The following COX7B2 variants were observed in gnomAD, a reference collection of about 807,000 sequenced individuals.
The protein encoded by COX7B2 is cytochrome c oxidase subunit 7B2, mitochondrial.
For missense variants in COX7B2, 109 were observed against 95.9 expected (o/e 1.14, Z -0.57); for synonymous variants, 37 against 32.1 (o/e 1.15, Z -0.51).
At chr4:46,767,517 T>C (rs1716614548) in intron 2 of COX7B2, among the ~76,000 whole-genome samples, 1 of 152,108 alleles carries the variant, frequency 6.6e-6, no homozygotes, top group Non-Finnish European at 1.5e-5. Context: ...TTAACAGACA[T>C]ATACAGAACA....
chr4:46,857,762 A>T (rs1232740130), intron 1 of COX7B2, among the ~76,000 whole-genome samples: 1 of 152,208 alleles, frequency 6.6e-6, no homozygotes, highest in East Asian at 1.9e-4. Flanking sequence ...TTCAGAATGT[A>T]TGCAATACTA....
intron 2 of COX7B2, among the ~76,000 whole-genome samples, chr4:46,784,502 G>T (rs974238329): frequency 6.6e-6 from 1 of 152,114 alleles, no homozygotes; most frequent in Non-Finnish European, 1.5e-5. Flanking sequence ...GCGCATGCCT[G>T]TAATTCCAGC....
intron 2 of COX7B2, among the ~76,000 whole-genome samples, chr4:46,750,195 TACACACACACACACACACACAC>T (rs58139781): frequency 6.1e-5 from 7 of 113,856 alleles, no homozygotes; most frequent in Non-Finnish European, 8.8e-5. Flanking sequence ...ATCCCATCTC[TACACACACACACACACACACAC>T]ACACACACAC....
intron 2 of COX7B2, among the ~76,000 whole-genome samples, chr4:46,761,611 A>AT (rs1716150634): frequency 6.6e-6 from 1 of 152,186 alleles, no homozygotes; most frequent in South Asian, 2.1e-4. Flanking sequence ...TTCTTTTACT[A>AT]TTTTATGTCT....
intron 1 of COX7B2, among the ~76,000 whole-genome samples, chr4:46,866,313 G>A (rs781624464): frequency 9.9e-5 from 15 of 152,176 alleles, no homozygotes; most frequent in Non-Finnish European, 1.5e-4. Flanking sequence ...GAGAACAGAT[G>A]TTACACCACA....
intron 2 of COX7B2, among the ~76,000 whole-genome samples, chr4:46,768,710 A>G (rs1716695659): frequency 6.6e-6 from 1 of 152,204 alleles, no homozygotes. Flanking sequence ...GCTGCTAGTT[A>G]ACAGAATGAA....
chr4:46,779,793 G>A (rs1443164809), intron 2 of COX7B2, among the ~76,000 whole-genome samples: 1 of 152,006 alleles, frequency 6.6e-6, no homozygotes, highest in Non-Finnish European at 1.5e-5. Context: ...ATACAAGGAA[G>A]CAGTAAGTAG....
intron 2 of COX7B2, among the ~76,000 whole-genome samples, chr4:46,829,858 G>C (rs1360497540): frequency 6.6e-6 from 1 of 152,096 alleles, no homozygotes; most frequent in Non-Finnish European, 1.5e-5. Context: ...TAAAGATTTT[G>C]AACTTTATTA....
intron 2 of COX7B2, among the ~76,000 whole-genome samples, chr4:46,807,378 G>C (rs141463580): frequency 2.0e-5 from 3 of 151,968 alleles, no homozygotes; most frequent in African/African-American, 7.2e-5. Flanking sequence ...CCACTACTGA[G>C]TGATATCAGT....
chr4:46,896,329 G>T (rs955233862), intron 1 of COX7B2, among the ~76,000 whole-genome samples: 1 of 152,122 alleles, frequency 6.6e-6, no homozygotes, highest in African/African-American at 2.4e-5. Flanking sequence ...TTTATTTCTA[G>T]ATGCTTTTTA....
intron 1 of COX7B2, among the ~76,000 whole-genome samples, chr4:46,898,833 C>T (rs939013604): frequency 2.0e-5 from 3 of 152,066 alleles, no homozygotes; most frequent in Admixed American, 1.3e-4. Context: ...TTGGTCTAGC[C>T]CTATATCCTT....
intron 2 of COX7B2, among the ~76,000 whole-genome samples, chr4:46,749,123 G>A (rs1158221975): frequency 6.6e-6 from 1 of 152,092 alleles, no homozygotes; most frequent in East Asian, 1.9e-4. Flanking sequence ...AAAGTTTCAA[G>A]TAAGTGTGTT....
chr4:46,804,067 G>A (rs1718827391), intron 2 of COX7B2, among the ~76,000 whole-genome samples: 1 of 152,076 alleles, frequency 6.6e-6, no homozygotes, highest in African/African-American at 2.4e-5. Context: ...TGGTGGGTTC[G>A]TGGTCTCGCT....
intron 2 of COX7B2, among the ~76,000 whole-genome samples, chr4:46,804,660 C>G (rs574446562): frequency 2.6e-5 from 4 of 152,204 alleles, no homozygotes; most frequent in Admixed American, 2.6e-4. Flanking sequence ...GGTGTGTTTA[C>G]AAACCTTGAG....
intron 1 of COX7B2, among the ~76,000 whole-genome samples, chr4:46,872,168 G>T (rs1429352167): frequency 6.6e-6 from 1 of 152,160 alleles, no homozygotes. Context: ...CATGTCTTTT[G>T]TGGGAACAAG....
At chr4:46,853,373 A>G (rs1213053436) in intron 1 of COX7B2, among the ~76,000 whole-genome samples, 1 of 152,174 alleles carries the variant, frequency 6.6e-6, no homozygotes, top group East Asian at 1.9e-4. Flanking sequence ...TTTCTCCAAC[A>G]GTCAGAAATC....
intron 2 of COX7B2, among the ~76,000 whole-genome samples, chr4:46,824,647 G>A (rs1028093587): frequency 7.8e-6 from 1 of 127,836 alleles, no homozygotes; most frequent in Admixed American, 9.0e-5. Context: ...GAGTATTACT[G>A]TTTGTGTAAA....
chr4:46,892,368 G>A (rs1512126), intron 1 of COX7B2, among the ~76,000 whole-genome samples: 36,922 of 152,120 alleles, frequency 0.24, 4,687 homozygotes, highest in East Asian at 0.29. Flanking sequence ...TTGAATCACT[G>A]TCATGTATCT....
At chr4:46,776,227 T>G (rs1431114463) in intron 2 of COX7B2, among the ~76,000 whole-genome samples, 2 of 152,056 alleles carry the variant, frequency 1.3e-5, no homozygotes, top group African/African-American at 4.8e-5. Context: ...AAAAATTCCT[T>G]TTAAAGGAAT....
Sources: gnomAD v4.1 joint callset for allele counts (sites outside exome capture counted in the v4.1 genomes callset) on GRCh38, gnomAD v4.1.1 for gene constraint, MANE v1.5 for transcripts, NCBI Gene and HGNC (gene_info 2026-07-23, HGNC 2026-07-21) for gene names.